The following ANKRD13C variants were observed in gnomAD, a reference collection of about 807,000 sequenced individuals.
ANKRD13C encodes the protein ankyrin repeat domain 13C.
Under a neutral mutation model 65.5 loss-of-function variants are expected in ANKRD13C, and 16 were observed. The ratio of observed to expected loss-of-function variants is 0.24; its 90% CI spans 0.17 to 0.37. ANKRD13C has a LOEUF of 0.37. Among genes scored for constraint, ANKRD13C ranks in the 10% least tolerant of loss-of-function variants. ANKRD13C has a pLI of 1.00. For synonymous variants in ANKRD13C, 235 were observed against 238.7 expected (o/e 0.98, Z 0.14); for missense variants, 503 against 655.9 (o/e 0.77, Z 2.55).
At chr1:70,317,348 G>GT (rs1229985457) in intron 3 of ANKRD13C, among the ~76,000 whole-genome samples, 6 of 152,026 alleles carry the variant, frequency 3.9e-5, no homozygotes, top group African/African-American at 7.2e-5. Context: ...GTGCCCAATT[G>GT]TTTGAGTTTC....
chr1:70,341,752 C>T (rs928472572), intron 1 of ANKRD13C, among the ~76,000 whole-genome samples: 3 of 151,784 alleles, frequency 2.0e-5, no homozygotes, highest in African/African-American at 7.3e-5. Flanking sequence ...TTTATTATTC[C>T]ATTTTGTTTT....
chr1:70,272,174 T>TTC (rs1678913219), intron 11 of ANKRD13C, among the ~76,000 whole-genome samples: 1 of 151,894 alleles, frequency 6.6e-6, no homozygotes, highest in Admixed American at 6.6e-5. Flanking sequence ...TTTTTTTTTT[T>TTC]TCTGAACTTT....
intron 11 of ANKRD13C, among the ~76,000 whole-genome samples, chr1:70,274,491 A>G (rs1043789439): frequency 1.3e-5 from 2 of 148,700 alleles, no homozygotes; most frequent in African/African-American, 2.6e-5. Context: ...AAAAAAAAAA[A>G]AAAAAGAAAG....
chr1:70,337,816 T>C (rs61678482), intron 1 of ANKRD13C, among the ~76,000 whole-genome samples: 2 of 151,294 alleles, frequency 1.3e-5, no homozygotes, highest in South Asian at 2.1e-4. Flanking sequence ...AAAGCATCTT[T>C]CAGCCGGGCA....
intron 1 of ANKRD13C, among the ~76,000 whole-genome samples, chr1:70,350,509 G>A (rs1682701549): frequency 6.6e-6 from 1 of 152,148 alleles, no homozygotes; most frequent in East Asian, 1.9e-4. Flanking sequence ...ATTTATTTGG[G>A]CCGTTATATA....
rs532463539 is a variant in ANKRD13C at position 70,260,992 on chromosome 1, C to A, written c.*1725G>T. On this transcript the variant is annotated 3_prime_UTR_variant, in exon 13 of 13. Transcript: ENST00000370944. The stretch of plus-strand genomic sequence containing the variant: ...GATCACTGCCTTTCAGTGTCTCCAA[C>A]CCCATGTAACCACTGATAGGATAAT... 1 of 152,168 alleles carries A rather than the reference C, an allele frequency of 6.6e-6. No individual in the cohort carries two copies. The highest frequency in any genetic ancestry group is 1.9e-4 in the East Asian group (1 of 5,176). The allele number at this position is 152,168 out of a possible 1,614,324, so 9.4% of individuals were successfully genotyped here.
intron 1 of ANKRD13C, among the ~76,000 whole-genome samples, chr1:70,337,980 T>A (rs1312414220): frequency 1.3e-5 from 2 of 151,982 alleles, no homozygotes; most frequent in Non-Finnish European, 2.9e-5. Flanking sequence ...ATGCCTGTAA[T>A]CCCAGCTACT....
intron 7 of ANKRD13C, among the ~76,000 whole-genome samples, chr1:70,300,032 A>C (rs1680278390): frequency 6.6e-6 from 1 of 152,218 alleles, no homozygotes; most frequent in Non-Finnish European, 1.5e-5. Flanking sequence ...AAAGGTAGCC[A>C]AAGAGTTAGG....
intron 12 of ANKRD13C, among the ~76,000 whole-genome samples, chr1:70,266,656 A>G (rs58927829): frequency 0.16 from 23,939 of 152,034 alleles, 2,599 homozygotes; most frequent in African/African-American, 0.3. Flanking sequence ...ATTCAGTTCA[A>G]TTTATTGTTT....
At chr1:70,346,927 T>TA (rs1224865074) in intron 1 of ANKRD13C, among the ~76,000 whole-genome samples, 1 of 151,308 alleles carries the variant, frequency 6.6e-6, no homozygotes, top group Non-Finnish European at 1.5e-5. Flanking sequence ...CCGTCTCTAC[T>TA]AAAAAATACA....
intron 8 of ANKRD13C, 131 bp from the exon 9 acceptor site, chr1:70,292,680 T>C: frequency 1.5e-6 from 1 of 668,326 alleles, no homozygotes; most frequent in South Asian, 2.2e-5. Flanking sequence ...ATTATCAAAC[T>C]ATCTTACATT....
At chr1:70,327,231 G>T (rs1222367112) in intron 2 of ANKRD13C, among the ~76,000 whole-genome samples, 1 of 152,166 alleles carries the variant, frequency 6.6e-6, no homozygotes, top group African/African-American at 2.4e-5. Flanking sequence ...CTGATATTGT[G>T]TGTTTCCAAT....
At chr1:70,304,349 A>AT (rs965126295) in intron 6 of ANKRD13C, among the ~76,000 whole-genome samples, 18 of 152,096 alleles carry the variant, frequency 1.2e-4, no homozygotes, top group African/African-American at 3.9e-4. Flanking sequence ...ATGTGAAACA[A>AT]TTTTTTTTCA....
intron 5 of ANKRD13C, among the ~76,000 whole-genome samples, chr1:70,307,668 G>A (rs1680644541): frequency 6.6e-6 from 1 of 152,156 alleles, no homozygotes; most frequent in African/African-American, 2.4e-5. Context: ...TCCTTTCTCA[G>A]CTGGGCACGG....
Position 70,279,500 on chromosome 1 carries a change from CTTTTT to C in ANKRD13C, c.1216-2661_1216-2657del, listed in dbSNP as rs757385338. 5.6e-4 allele frequency among the ~76,000 whole-genome samples: 57 copies of C among 101,280 alleles called. No homozygotes were observed. The East Asian group carries it at 7.7e-3, about 14-fold the overall frequency. 66.4% of individuals were successfully genotyped at this position (101,280 alleles called of 152,430 possible). A position where few individuals can be genotyped will look rare whatever the true frequency, so the allele number is the denominator to read the frequency against. On this transcript the variant is annotated intron_variant, in intron 9 of 12. Coordinates refer to ENST00000370944, the MANE Select transcript of ANKRD13C (RefSeq NM_030816.5). The stretch of plus-strand genomic sequence containing the variant: ...AGTTCTAAGCCACTATTTTGAGCTA[CTTTTT>C]TTTTTTTTTTTTTTTTTTGAGACAT...
At chr1:70,323,393 C>G (rs1483115379) in intron 3 of ANKRD13C, among the ~76,000 whole-genome samples, 1 of 152,032 alleles carries the variant, frequency 6.6e-6, no homozygotes, top group Non-Finnish European at 1.5e-5. Flanking sequence ...GCCTGTAATC[C>G]TAGCACTTTG....
chr1:70,351,325 G>A (rs1014970991), intron 1 of ANKRD13C, among the ~76,000 whole-genome samples: 6 of 152,190 alleles, frequency 3.9e-5, no homozygotes, highest in African/African-American at 1.2e-4. Context: ...CTATGTACCT[G>A]TATGAGTGTC....
intron 1 of ANKRD13C, among the ~76,000 whole-genome samples, chr1:70,339,024 C>A (rs553006529): frequency 7.2e-5 from 11 of 152,226 alleles, no homozygotes; most frequent in Non-Finnish European, 1.2e-4. Context: ...GAGTTCAGAA[C>A]AGCCTGGCCA....
At chr1:70,280,292 G>A (rs1679329861) in intron 9 of ANKRD13C, among the ~76,000 whole-genome samples, 1 of 152,168 alleles carries the variant, frequency 6.6e-6, no homozygotes, top group Non-Finnish European at 1.5e-5. Context: ...GTAGCCAAAA[G>A]ACGTGGACTG....
Sources: gnomAD v4.1 joint callset for allele counts (sites outside exome capture counted in the v4.1 genomes callset) on GRCh38, gnomAD v4.1.1 for gene constraint, MANE v1.5 for transcripts, NCBI Gene and HGNC (gene_info 2026-07-23, HGNC 2026-07-21) for gene names.